BCL9L: variants seen among roughly 807,000 people sequenced by gnomAD.
BCL9L encodes the protein BCL9 like.
BCL9L carries 19 observed loss-of-function variants against 99.4 expected under a neutral mutation model. The ratio of observed to expected loss-of-function variants is 0.19; its 90% CI spans 0.13 to 0.28. BCL9L has a LOEUF of 0.28. Ranked by LOEUF, BCL9L falls within the 10% of genes least tolerant of loss-of-function variation. BCL9L has a pLI of 1.00. For synonymous variants in BCL9L, 900 were observed against 854.8 expected (o/e 1.05, Z -0.92); for missense variants, 2,023 against 2,101.6 (o/e 0.96, Z 0.73).
In BCL9L at chr11:118,902,234, C is replaced by A. The variant is rs139444043; in HGVS notation, c.1509G>T (p.Met503Ile). The A allele has an allele frequency of 3.7e-6, 6 of 1,611,728 alleles. No homozygotes were observed. Among genetic ancestry groups the A allele is most frequent in the Admixed American group, 1.7e-5 (1 of 59,894 alleles). ...TGTCCTGGCCCAGCCTCTGTATCAT[C>A]ATGTTCATCTGCTGCCCCATGTCCC... ...PGGDMGQQMNMMIQRLGQDSL... is the reference protein window; with the variant it reads ...PGGDMGQQMNIMIQRLGQDSL... The change falls in exon 8 of 10, where the codon ATG (methionine) becomes ATT (isoleucine). Residue 503 changes from methionine (M) to isoleucine (I), a missense_variant. By Grantham distance (10) the Met-to-Ile change is conservative (BLOSUM62 1). Transcript: ENST00000683865. The surrounding 1 kb of genome is among the most constrained non-coding windows in gnomAD (Gnocchi z 7.8).
At position 118,900,004 on chromosome 11, in the gene BCL9L, T is replaced by A. The variant is rs1431166225; in HGVS notation, c.3319A>T (p.Ile1107Phe). The change falls in exon 9 of 10, where the codon ATC becomes TTC. Residue 1107 changes from isoleucine (I) to phenylalanine (F), a missense_variant. Ile to Phe is a conservative substitution (Grantham distance 21, BLOSUM62 0). This residue lies in a region of BCL9L where 902 missense variants were observed against 888.2 expected (regional missense o/e 1.02). Transcript: ENST00000683865. The surrounding 1 kb of genome is among the most constrained non-coding windows in gnomAD (Gnocchi z 5.3). Reference sequence around the variant, plus strand: ...TCGTCTGAGGTGGCGATGGTCTTGATGGCATTGTGGTAGAGCGGGGTGGAG... The same window carrying A: ...TCGTCTGAGGTGGCGATGGTCTTGAAGGCATTGTGGTAGAGCGGGGTGGAG... ...PSSTPLYHNA[I>F]KTIATSDDEL... The A allele has an allele frequency of 1.2e-6, 2 of 1,613,892 alleles. No homozygotes were observed. Among genetic ancestry groups the A allele is most frequent in the Non-Finnish European group, 1.7e-6 (2 of 1,179,970 alleles).
chr11:118,897,625 G>C lies in BCL9L; in HGVS notation c.*790C>G. ...ACGTCATCTTACCATTTGGGGACGA[G>C]ACAGGAATGGTATCCCTTAGGGACC... On this transcript the variant is annotated 3_prime_UTR_variant, in exon 10 of 10. Coordinates refer to ENST00000683865, the MANE Select transcript of BCL9L (RefSeq NM_001378213.1). 2.7e-6 allele frequency: 1 copy of C among 368,618 alleles called. No homozygotes were observed. The highest frequency in any genetic ancestry group is 5.3e-6 in the Non-Finnish European group (1 of 187,818). The allele number at this position is 368,618 out of a possible 1,614,324, so 22.8% of individuals were successfully genotyped here. A position where few individuals can be genotyped will look rare whatever the true frequency, so the allele number is the denominator to read the frequency against.
intron 2 of BCL9L, chr11:118,910,952 A>AG: frequency 4.0e-6 from 1 of 250,952 alleles, no homozygotes; most frequent in Non-Finnish European, 8.2e-6. Context: ...GCGCCGCCGG[A>AG]GCGGGAGGCG....
chr11:118,899,834 A>C (rs1174586944), intron 9 of BCL9L, 83 bp downstream of exon 9: 9 of 1,494,036 alleles, frequency 6.0e-6, no homozygotes, highest in Non-Finnish European at 8.0e-6. Context: ...AGGCACAAAA[A>C]AGCCAGCACA....
chr11:118,924,368 AAG>A (rs1233959362), intron 1 of BCL9L, among the ~76,000 whole-genome samples: 2 of 151,744 alleles, frequency 1.3e-5, no homozygotes, highest in African/African-American at 4.8e-5. Flanking sequence ...AGTAGACAGA[AAG>A]AGAAGGGAGA....
In BCL9L at chr11:118,903,395, G is replaced by A; in HGVS notation, c.590C>T (p.Thr197Ile). 6.2e-7 allele frequency: 1 copy of A among 1,612,402 alleles called. No homozygotes were observed. Among genetic ancestry groups the A allele is most frequent in the Non-Finnish European group, 8.5e-7 (1 of 1,179,374 alleles). The change falls in exon 6 of 10, where the codon ACC becomes ATC. Residue 197 changes from threonine to isoleucine, a missense_variant. Thr to Ile is a moderately conservative substitution (Grantham distance 89, BLOSUM62 -1). Around this residue, in one of 3 missense-constraint regions of BCL9L, gnomAD observed 1,116 missense variants for 1,194.6 expected, o/e 0.93. Transcript: ENST00000683865. This position sits in a 1 kb window ranked among gnomAD's most constrained non-coding sequence, Gnocchi z 5.6. ...GCTGCTCTCGCTGAGGGGCAGTTGG[G>A]TGGTTTGGCCGGGACCCAGCTGTGG... The part of the protein sequence containing the change: ...AAPQLGPGQT[T>I]QLPLSESSVP...
chr11:118,898,211 A>G lies in BCL9L; in HGVS notation c.*204T>C, dbSNP rs1046202565. On this transcript the variant is annotated 3_prime_UTR_variant, in exon 10 of 10. Transcript: ENST00000683865. ...GGTGGCCGAAATGGAACCAACCCCA[A>G]TGCAAAATCCCCCACCCCACACTGC... 5.2e-5 allele frequency: 38 copies of G among 726,508 alleles called. No homozygotes were observed. The highest frequency in any genetic ancestry group is 1.8e-4 in the Admixed American group (6 of 32,942). 45.0% of individuals were successfully genotyped at this position (726,508 alleles called of 1,614,324 possible).
At chr11:118,907,340 G>T in intron 5 of BCL9L, 143 bp downstream of exon 5, 2 of 1,400,458 alleles carry the variant, frequency 1.4e-6, no homozygotes, top group Non-Finnish European at 9.8e-7. Context: ...TTGCAGTGTA[G>T]GGAGGGACAG....
chr11:118,917,228 C>T (rs1158342372), intron 2 of BCL9L, among the ~76,000 whole-genome samples: 1 of 152,166 alleles, frequency 6.6e-6, no homozygotes, highest in African/African-American at 2.4e-5. Flanking sequence ...CCTCTCTCAC[C>T]ATCAATTCTT....
chr11:118,909,441 T>G (rs537006528), intron 3 of BCL9L, among the ~76,000 whole-genome samples: 1 of 152,170 alleles, frequency 6.6e-6, no homozygotes, highest in Non-Finnish European at 1.5e-5. Context: ...CCCCCCTCAT[T>G]CCACACCAGC....
At chr11:118,908,712 T>C (rs770481816) in intron 3 of BCL9L, 57 bp from the exon 4 acceptor site, 2 of 1,482,828 alleles carry the variant, frequency 1.3e-6, no homozygotes, top group Admixed American at 1.9e-5. Context: ...TAGGCATGCC[T>C]GCAACTTAAT....
chr11:118,908,518 G>A lies in BCL9L; in HGVS notation c.164C>T (p.Ala55Val), dbSNP rs761061848. 2 of 1,614,122 alleles carry A rather than the reference G, an allele frequency of 1.2e-6. No homozygotes were observed. The highest frequency in any genetic ancestry group is 1.7e-6 in the Non-Finnish European group (2 of 1,179,986). Reference protein sequence around the residue: ...TNHGKTGNGGAQSQHQNVNQG... With the variant: ...TNHGKTGNGGVQSQHQNVNQG... ...GTTCACATTCTGGTGCTGAGATTGG[G>A]CCCCGCCATTCCCTGTCTTGCCATG... Residue 55 changes from alanine (A) to valine (V), a missense_variant, in exon 4 of 10, where the codon GCC (alanine) becomes GTC (valine). Physicochemically the swap from Ala to Val is moderately conservative, Grantham distance 64. Around this residue, in one of 3 missense-constraint regions of BCL9L, gnomAD observed 1,116 missense variants for 1,194.6 expected, o/e 0.93. Transcript: ENST00000683865.
In BCL9L at chr11:118,922,592, G is replaced by C. The variant is rs1210284126; in HGVS notation, c.-131+2646C>G. On this transcript the variant is annotated intron_variant, in intron 1 of 9. Transcript: ENST00000683865. The surrounding 1 kb of genome is among the most constrained non-coding windows in gnomAD (Gnocchi z 6.2). ...GGAACAGCCGGCCCCACCCCAGGGA[G>C]AGCGGGCCTGGCAGAGGCTCCCTGC... Among the ~76,000 whole-genome samples, 2 of 152,094 alleles carry C rather than the reference G, an allele frequency of 1.3e-5. No homozygotes were observed. Among genetic ancestry groups the C allele is most frequent in the Admixed American group, 6.5e-5 (1 of 15,278 alleles).
intron 1 of BCL9L, among the ~76,000 whole-genome samples, chr11:118,919,318 C>A (rs1565630351): frequency 6.6e-6 from 1 of 151,690 alleles, no homozygotes; most frequent in Non-Finnish European, 1.5e-5. Context: ...CTAGCACCAG[C>A]CACCTCCAGG....
In BCL9L at chr11:118,899,247, G is replaced by T. The variant is rs1299095073; in HGVS notation, c.3668C>A (p.Ser1223Tyr). The stretch of plus-strand genomic sequence containing the variant: ...CCGAGGGGGGAAGGGCATCATCTGG[G>T]AGGAGCTGGGCACTGGGCCACAGGG... ...NAPCGPVPSSSQMMPFPPRLQ... is the reference protein window; with the variant it reads ...NAPCGPVPSSYQMMPFPPRLQ... The change falls in exon 10 of 10, where the codon TCC (serine) becomes TAC (tyrosine). Residue 1223 changes from serine (S) to tyrosine (Y), a missense_variant. Around this residue, in one of 3 missense-constraint regions of BCL9L, gnomAD observed 902 missense variants for 888.2 expected, o/e 1.02. Transcript: ENST00000683865. The T allele has an allele frequency of 6.6e-7, 1 of 1,519,280 alleles. No homozygotes were observed. The highest frequency in any genetic ancestry group is 8.8e-7 in the Non-Finnish European group (1 of 1,135,120). The allele number at this position is 1,519,280 out of a possible 1,614,324, so 94.1% of individuals were successfully genotyped here.
In BCL9L at chr11:118,900,547, C is replaced by T; in HGVS notation, c.3124+72G>A. The stretch of plus-strand genomic sequence containing the variant: ...ACACAGGCCCTTACTCACTCACTGC[C>T]CAGCCCCAGCATGGACACACTGCTC... On this transcript the variant is annotated intron_variant, in intron 8 of 9. Transcript: ENST00000683865. This position sits in a 1 kb window ranked among gnomAD's most constrained non-coding sequence, Gnocchi z 5.3. 1 of 1,528,782 alleles carries T rather than the reference C, an allele frequency of 6.5e-7. No individual in the cohort carries two copies. Among genetic ancestry groups the T allele is most frequent in the Non-Finnish European group, 8.8e-7 (1 of 1,142,476 alleles). The allele number at this position is 1,528,782 out of a possible 1,614,324, so 94.7% of individuals were successfully genotyped here.
At position 118,897,757 on chromosome 11, in the gene BCL9L, C is replaced by CTTTTT; in HGVS notation, c.*653_*657dup. 2.4e-6 allele frequency: 1 copy of CTTTTT among 415,076 alleles called. No individual in the cohort carries two copies. The highest frequency in any genetic ancestry group is 2.7e-5 in the Admixed American group (1 of 37,630). The allele number at this position is 415,076 out of a possible 1,614,324, so 25.7% of individuals were successfully genotyped here. Reference sequence around the variant, plus strand: ...GAAGGGGGGAAGGGTTTCTTTTATCCTTTTTTTTTTGTGTGACTTCTATCA... The same window carrying CTTTTT: ...GAAGGGGGGAAGGGTTTCTTTTATCCTTTTTTTTTTTTTTTGTGTGACTTCTATCA... On this transcript the variant is annotated 3_prime_UTR_variant, in exon 10 of 10. Coordinates refer to ENST00000683865, the MANE Select transcript of BCL9L (RefSeq NM_001378213.1).
chr11:118,908,596 T>TGACCGCGGGGGGACAGC lies in BCL9L; in HGVS notation c.69_85dup (p.His29ArgfsTer22). On this transcript the variant is annotated frameshift_variant, in exon 4 of 10. Transcript: ENST00000683865. LOFTEE classifies it high-confidence loss of function. Reference sequence around the variant, plus strand: ...TGGCTTGGCTGGGGCAGGGGGGCAATGACCGCGGGGGGACAGCGGCGGGCT... The same window carrying TGACCGCGGGGGGACAGC: ...TGGCTTGGCTGGGGCAGGGGGGCAATGACCGCGGGGGGACAGCGACCGCGGGGGGACAGCGGCGGGCT... 6.2e-7 allele frequency: 1 copy of TGACCGCGGGGGGACAGC among 1,613,488 alleles called. No individual in the cohort carries two copies. The highest frequency in any genetic ancestry group is 8.5e-7 in the Non-Finnish European group (1 of 1,179,914).
At chr11:118,918,167 G>C (rs188674920) in intron 2 of BCL9L, among the ~76,000 whole-genome samples, 287 of 152,310 alleles carry the variant, frequency 1.9e-3, no homozygotes, top group South Asian at 3.7e-3. Context: ...GCTTCCTCCA[G>C]CTTTCCCTAG....
Sources: gnomAD v4.1 joint callset for allele counts (sites outside exome capture counted in the v4.1 genomes callset) on GRCh38, gnomAD v4.1.1 for gene constraint, gnomAD v4.1.1 regional missense constraint, Gnocchi (gnomAD v3.1) non-coding constraint, MANE v1.5 for transcripts, NCBI Gene and HGNC (gene_info 2026-07-23, HGNC 2026-07-21) for gene names.